The following SRPK2 variants were observed in gnomAD, a reference collection of about 807,000 sequenced individuals.
SRPK2 encodes the protein SRSF protein kinase 2, also known as SFRS protein kinase 2.
In SRPK2, 21 loss-of-function variants were observed where a neutral mutation model predicts 90.8. That is an observed-to-expected ratio of 0.23 (90% CI 0.16 to 0.33). The LOEUF (loss-of-function observed/expected upper bound fraction) is 0.33, where lower values mean the gene tolerates loss of function less well. Among genes scored for constraint, SRPK2 ranks in the 10% least tolerant of loss-of-function variants. The pLI is 1.00. For missense variants in SRPK2, 620 were observed against 869.0 expected, an observed-to-expected ratio of 0.71 and a Z score of 3.60; for synonymous variants, 288 against 311.1, an observed-to-expected ratio of 0.93 and a Z score of 0.78.
intron 9 of SRPK2, 130 bp from the exon 10 acceptor site, chr7:105,143,460 C>T: frequency 8.7e-7 from 1 of 1,154,392 alleles, no homozygotes; most frequent in Non-Finnish European, 1.2e-6. Flanking sequence ...ATCCCAAACC[C>T]AGACAGATCC....
intron 2 of SRPK2, among the ~76,000 whole-genome samples, chr7:105,232,289 G>A (rs1043104013): frequency 4.0e-5 from 6 of 151,860 alleles, no homozygotes; most frequent in African/African-American, 4.8e-5. Flanking sequence ...GGAGAAATCC[G>A]TCTCTACTAA....
At chr7:105,377,574 T>C (rs915407897) in intron 2 of SRPK2, among the ~76,000 whole-genome samples, 1 of 151,466 alleles carries the variant, frequency 6.6e-6, no homozygotes, top group African/African-American at 2.4e-5. Context: ...GTAGTGGCAC[T>C]GTAATCCCAG....
intron 15 of SRPK2, among the ~76,000 whole-genome samples, chr7:105,122,033 A>G (rs771467768): frequency 2.0e-5 from 3 of 152,238 alleles, no homozygotes; most frequent in African/African-American, 7.2e-5. Context: ...AAGAAATACC[A>G]ATACAAAGCA....
intron 2 of SRPK2, among the ~76,000 whole-genome samples, chr7:105,271,996 T>C (rs1004743843): frequency 6.6e-6 from 1 of 152,206 alleles, no homozygotes; most frequent in African/African-American, 2.4e-5. Context: ...TGCTTTATAA[T>C]AGTATTTGCA....
At chr7:105,153,156 C>T (rs926535673) in intron 7 of SRPK2, among the ~76,000 whole-genome samples, 2 of 152,122 alleles carry the variant, frequency 1.3e-5, no homozygotes, top group Non-Finnish European at 2.9e-5. Context: ...TCTCAATCAT[C>T]CCACTCAGGG....
chr7:105,125,915 C>A, intron 15 of SRPK2: 1 of 1,039,608 alleles, frequency 9.6e-7, no homozygotes, highest in South Asian at 1.4e-5. Flanking sequence ...AAACACACGA[C>A]AGTTTAATCA....
chr7:105,185,239 A>G (rs1793425114), intron 3 of SRPK2, among the ~76,000 whole-genome samples: 1 of 152,044 alleles, frequency 6.6e-6, no homozygotes, highest in Admixed American at 6.5e-5. Context: ...ATTTCTTTTA[A>G]AAGAAAAAAT....
chr7:105,124,378 A>ATTAC lies in SRPK2; in HGVS notation c.1915+1869_1915+1870insGTAA, dbSNP rs879922170. ...AATGCACAGCCAGGCGCAGTGGCTCACACCTGTAATCCCAGCAATTGGGAG... is the reference window on the plus strand; with the variant it reads ...AATGCACAGCCAGGCGCAGTGGCTCATTACCACCTGTAATCCCAGCAATTGGGAG... On this transcript the variant is annotated intron_variant, in intron 15 of 15. Coordinates refer to ENST00000393651, the MANE Select transcript of SRPK2 (RefSeq NM_182692.3). 7.3e-3 allele frequency among the ~76,000 whole-genome samples: 1,106 copies of ATTAC among 152,348 alleles called. 7 individuals carry two copies. The highest frequency in any genetic ancestry group is 0.024 in the Middle Eastern group (7 of 294).
chr7:105,335,917 T>C (rs767257659), intron 2 of SRPK2, among the ~76,000 whole-genome samples: 4 of 151,848 alleles, frequency 2.6e-5, no homozygotes, highest in African/African-American at 4.8e-5. Flanking sequence ...GGTCATGCCA[T>C]TGCATTCCAG....
Position 105,351,533 on chromosome 7 carries a change from T to C in SRPK2, c.71+37115A>G, listed in dbSNP as rs147101166. ...ATAATAAATCACCGGCCGGGCGCAG[T>C]AGCTCACACCTGTAATCCCAGCACT... On this transcript the variant is annotated intron_variant, in intron 2 of 15. Coordinates refer to ENST00000393651, the MANE Select transcript of SRPK2 (RefSeq NM_182692.3). Among the ~76,000 whole-genome samples, 431 of 151,622 alleles carry C rather than the reference T, an allele frequency of 2.8e-3. 10 individuals carry two copies. In the East Asian group the frequency reaches 0.055, roughly 19 times the overall value.
intron 7 of SRPK2, among the ~76,000 whole-genome samples, chr7:105,158,948 T>C (rs917754714): frequency 5.9e-5 from 9 of 152,028 alleles, no homozygotes; most frequent in African/African-American, 2.2e-4. Flanking sequence ...TACATTAAAG[T>C]TGTTCATTTG....
At chr7:105,375,950 G>A (rs1026225241) in intron 2 of SRPK2, among the ~76,000 whole-genome samples, 1 of 139,640 alleles carries the variant, frequency 7.2e-6, no homozygotes, top group South Asian at 2.5e-4. Flanking sequence ...AGCAGTTTGA[G>A]TCCAGCTTGG....
At chr7:105,359,465 C>T (rs1169079911) in intron 2 of SRPK2, among the ~76,000 whole-genome samples, 2 of 152,090 alleles carry the variant, frequency 1.3e-5, no homozygotes, top group East Asian at 1.9e-4. Context: ...GCCCACAGCA[C>T]TATTTATTAA....
At chr7:105,137,202 A>G (rs1052421809) in intron 11 of SRPK2, among the ~76,000 whole-genome samples, 3 of 152,198 alleles carry the variant, frequency 2.0e-5, no homozygotes, top group Non-Finnish European at 4.4e-5. Flanking sequence ...AACTTTAGAA[A>G]GAAGCCAGTG....
intron 2 of SRPK2, among the ~76,000 whole-genome samples, chr7:105,295,117 C>T (rs985864945): frequency 6.6e-6 from 1 of 151,520 alleles, no homozygotes; most frequent in Non-Finnish European, 1.5e-5. Context: ...GAGGCTGAGG[C>T]ACGAGAATCG....
At chr7:105,191,110 C>T (rs1389959639) in intron 3 of SRPK2, among the ~76,000 whole-genome samples, 3 of 152,090 alleles carry the variant, frequency 2.0e-5, no homozygotes, top group African/African-American at 2.4e-5. Flanking sequence ...CAGAATAATG[C>T]TACAGTGAAG....
intron 3 of SRPK2, among the ~76,000 whole-genome samples, chr7:105,200,318 T>TAAACG (rs1191862872): frequency 6.6e-6 from 1 of 151,700 alleles, no homozygotes; most frequent in Non-Finnish European, 1.5e-5. Context: ...AACAAAAAAA[T>TAAACG]AAACGATCAA....
At chr7:105,373,974 C>G (rs534759594) in intron 2 of SRPK2, among the ~76,000 whole-genome samples, 2 of 152,014 alleles carry the variant, frequency 1.3e-5, no homozygotes, top group Admixed American at 1.3e-4. Context: ...GTCGCCCACG[C>G]TGGAGTGCAG....
chr7:105,276,374 C>A (rs927427508), intron 2 of SRPK2, among the ~76,000 whole-genome samples: 1 of 152,036 alleles, frequency 6.6e-6, no homozygotes, highest in Non-Finnish European at 1.5e-5. Context: ...GCCACCACTT[C>A]TGGCCCATAA....
Sources: allele counts gnomAD v4.1 joint callset (sites outside exome capture counted in the v4.1 genomes callset), GRCh38; gene constraint gnomAD v4.1.1; transcripts MANE v1.5; gene names NCBI Gene and HGNC (gene_info 2026-07-23, HGNC 2026-07-21).